Variants in MAPK10 observed in about 807,000 individuals in gnomAD.
The protein encoded by MAPK10 is JNK3 alpha protein kinase.
MAPK10 carries 25 observed loss-of-function variants against 59.3 expected under a neutral mutation model. That is an observed-to-expected ratio of 0.42 (90% CI 0.31 to 0.59). MAPK10 has a LOEUF of 0.59. MAPK10 is among the 20% of genes least tolerant of loss of function. The pLI is 0.15. For synonymous variants in MAPK10, 190 were observed against 200.5 expected (o/e 0.95, Z 0.44); for missense variants, 351 against 568.9 (o/e 0.62, Z 3.90).
At chr4:86,172,808 C>G (rs1465789639) in intron 3 of MAPK10, among the ~76,000 whole-genome samples, 2 of 150,576 alleles carry the variant, frequency 1.3e-5, no homozygotes, top group Non-Finnish European at 3.0e-5. Flanking sequence ...TACAAGCATT[C>G]CTATACACCA....
chr4:86,519,129 C>T (rs1468244312), intron 1 of MAPK10, among the ~76,000 whole-genome samples: 1 of 152,020 alleles, frequency 6.6e-6, no homozygotes, highest in African/African-American at 2.4e-5. Context: ...CTGTTAAGTC[C>T]ATTTATTCTA....
At chr4:86,077,657 T>C (rs2049783948) in intron 9 of MAPK10, among the ~76,000 whole-genome samples, 1 of 152,224 alleles carries the variant, frequency 6.6e-6, no homozygotes, top group African/African-American at 2.4e-5. Flanking sequence ...CTGACTTGCT[T>C]TGTACTCTGC....
intron 11 of MAPK10, among the ~76,000 whole-genome samples, chr4:86,042,685 A>G (rs558320230): frequency 6.6e-6 from 1 of 152,246 alleles, no homozygotes; most frequent in Admixed American, 6.5e-5. Context: ...CAAAGTAAAA[A>G]TTTATGGTAG....
intron 1 of MAPK10, among the ~76,000 whole-genome samples, chr4:86,511,284 G>A (rs1291949288): frequency 6.6e-6 from 1 of 151,406 alleles, no homozygotes; most frequent in Non-Finnish European, 1.5e-5. Context: ...AGGAGTTCGA[G>A]ACCAGCCTGG....
intron 2 of MAPK10, among the ~76,000 whole-genome samples, chr4:86,283,578 T>C (rs2094897746): frequency 6.6e-6 from 1 of 152,198 alleles, no homozygotes. Context: ...GCTGGAGCTG[T>C]GCCAATTTTA....
chr4:86,076,332 A>C (rs1010183327), intron 9 of MAPK10, among the ~76,000 whole-genome samples: 14 of 152,144 alleles, frequency 9.2e-5, no homozygotes, highest in African/African-American at 3.4e-4. Context: ...CCTCAGATGG[A>C]AATGCAGAAA....
rs1741394541 is a variant in MAPK10, at chr4:86,011,020, C to T, written c.*6208G>A. ...TCAAATTATTTTATGTTGGATTTTA[C>T]ACCAGGATAGGAATGTCTTTAAAAG... On this transcript the variant is annotated 3_prime_UTR_variant, in exon 14 of 14. Transcript: ENST00000641462. The T allele has an allele frequency of 6.6e-6, 1 of 152,234 alleles. No individual in the cohort carries two copies. The highest frequency in any genetic ancestry group is 1.5e-5 in the Non-Finnish European group (1 of 68,036). The allele number at this position is 152,234 out of a possible 1,614,324, so 9.4% of individuals were successfully genotyped here.
chr4:86,211,996 A>G (rs1278281172), intron 2 of MAPK10, among the ~76,000 whole-genome samples: 1 of 152,152 alleles, frequency 6.6e-6, no homozygotes, highest in African/African-American at 2.4e-5. Flanking sequence ...TTAGTACAAA[A>G]GAAAGAAAGA....
At chr4:86,224,361 G>A (rs973454668) in intron 2 of MAPK10, among the ~76,000 whole-genome samples, 2 of 152,144 alleles carry the variant, frequency 1.3e-5, no homozygotes, top group African/African-American at 4.8e-5. Flanking sequence ...AATGGAATCA[G>A]TCCTAGACAG....
chr4:86,303,500 G>C (rs371096256), intron 2 of MAPK10, among the ~76,000 whole-genome samples: 1 of 151,748 alleles, frequency 6.6e-6, no homozygotes, highest in Non-Finnish European at 1.5e-5. Context: ...AAGAAAGACA[G>C]ACAGATAGAT....
rs185271464 is a variant in MAPK10, at chr4:86,190,276, A to G, written c.66+4060T>C. ...GCTGGCCTCATAAAATGAGTAAGGAAGGAGTCCCTCTTTTTCTATTGTCTG... is the reference window on the plus strand; with the variant it reads ...GCTGGCCTCATAAAATGAGTAAGGAGGGAGTCCCTCTTTTTCTATTGTCTG... On this transcript the variant is annotated intron_variant, in intron 3 of 13. Transcript: ENST00000641462. Among the ~76,000 whole-genome samples, 670 of 152,256 alleles carry G rather than the reference A, an allele frequency of 4.4e-3. 3 individuals are homozygous for G. The highest frequency in any genetic ancestry group is 0.02 in the Middle Eastern group (6 of 294).
At chr4:86,431,113 A>C (rs1747988015) in intron 1 of MAPK10, among the ~76,000 whole-genome samples, 1 of 152,114 alleles carries the variant, frequency 6.6e-6, no homozygotes, top group South Asian at 2.1e-4. Flanking sequence ...AGAAAAGAGA[A>C]AGAAAAGAAA....
At chr4:86,479,065 T>A (rs1753357478) in intron 1 of MAPK10, among the ~76,000 whole-genome samples, 1 of 152,116 alleles carries the variant, frequency 6.6e-6, no homozygotes, top group African/African-American at 2.4e-5. Flanking sequence ...TACCTCTTGG[T>A]CTTGGTAGAC....
At chr4:86,198,113 G>A (rs149170139) in intron 2 of MAPK10, among the ~76,000 whole-genome samples, 2 of 152,028 alleles carry the variant, frequency 1.3e-5, no homozygotes, top group Admixed American at 6.6e-5. Context: ...TCATATTTCC[G>A]CATGTTTTGC....
At chr4:86,264,892 T>TC (rs1338267199) in intron 2 of MAPK10, among the ~76,000 whole-genome samples, 32 of 139,526 alleles carry the variant, frequency 2.3e-4, no homozygotes, top group African/African-American at 8.3e-4. Context: ...CCTGGACTTT[T>TC]TTTTTTTTTT....
rs150984766 is a variant in MAPK10 at position 86,246,216 on chromosome 4, G to A, written c.-6-51809C>T. On this transcript the variant is annotated intron_variant, in intron 2 of 13. Coordinates refer to ENST00000641462, the MANE Select transcript of MAPK10 (RefSeq NM_138982.4). Reference sequence around the variant, plus strand: ...GGAGGCCGAGGTGGACAGATCACGAGGTCAGGAGATCGAGACTATCCTGGC... The same window carrying A: ...GGAGGCCGAGGTGGACAGATCACGAAGTCAGGAGATCGAGACTATCCTGGC... 4.6e-3 allele frequency among the ~76,000 whole-genome samples: 701 copies of A among 152,298 alleles called. 2 individuals carry two copies. The highest frequency in any genetic ancestry group is 0.016 in the African/African-American group (660 of 41,574).
At chr4:86,349,667 A>G (rs1730149896) in intron 2 of MAPK10, among the ~76,000 whole-genome samples, 1 of 152,242 alleles carries the variant, frequency 6.6e-6, no homozygotes, top group African/African-American at 2.4e-5. Context: ...ATAGAATCTT[A>G]TGAAATCTAA....
intron 1 of MAPK10, among the ~76,000 whole-genome samples, chr4:86,574,861 C>A (rs575185261): frequency 6.6e-5 from 10 of 152,156 alleles, no homozygotes; most frequent in Middle Eastern, 3.4e-3. Flanking sequence ...CTTCTTCTTG[C>A]CTCATTGCTC....
chr4:86,546,901 A>G (rs749684633), intron 1 of MAPK10, among the ~76,000 whole-genome samples: 23 of 151,940 alleles, frequency 1.5e-4, no homozygotes, highest in Non-Finnish European at 3.4e-4. Context: ...CTAAATATAC[A>G]AAAAATTAGC....
Sources: gnomAD v4.1 joint callset for allele counts (sites outside exome capture counted in the v4.1 genomes callset) on GRCh38, gnomAD v4.1.1 for gene constraint, MANE v1.5 for transcripts, NCBI Gene and HGNC (gene_info 2026-07-23, HGNC 2026-07-21) for gene names.